The following EPN2 variants were observed in gnomAD, a reference collection of about 807,000 sequenced individuals.
EPN2 encodes epsin 2.
In EPN2, 34 loss-of-function variants were observed where a neutral mutation model predicts 61.7. The ratio of observed to expected loss-of-function variants is 0.55; its 90% CI spans 0.42 to 0.73. The LOEUF (loss-of-function observed/expected upper bound fraction) is 0.73. Among genes scored for constraint, EPN2 ranks in the 30% least tolerant of loss-of-function variants. The pLI is 0.00. For missense variants in EPN2, 714 were observed against 839.2 expected, an observed-to-expected ratio of 0.85 and a Z score of 1.84; for synonymous variants, 349 against 353.6, an observed-to-expected ratio of 0.99 and a Z score of 0.15.
chr17:19,257,492 A>G (rs2045092847), intron 1 of EPN2, among the ~76,000 whole-genome samples: 1 of 151,046 alleles, frequency 6.6e-6, no homozygotes, highest in South Asian at 2.1e-4. Context: ...ATCAATGTTA[A>G]TATTTTGATT....
chr17:19,251,377 G>A (rs572776289), intron 1 of EPN2, among the ~76,000 whole-genome samples: 24 of 152,288 alleles, frequency 1.6e-4, no homozygotes, highest in South Asian at 4.1e-4. Flanking sequence ...TGTGTGTTGG[G>A]TGGGGTTGTT....
At chr17:19,303,599 G>GT (rs1275239148) in intron 4 of EPN2, among the ~76,000 whole-genome samples, 3 of 152,170 alleles carry the variant, frequency 2.0e-5, no homozygotes, top group Non-Finnish European at 2.9e-5. Context: ...ATAGATGGGG[G>GT]TATGACGTCA....
At chr17:19,309,810 C>A in intron 4 of EPN2, 75 bp from the exon 5 acceptor site, 1 of 1,165,754 alleles carries the variant, frequency 8.6e-7, no homozygotes, top group Non-Finnish European at 1.3e-6. Flanking sequence ...GGAATGTGGT[C>A]TGCCCAGGAA....
intron 4 of EPN2, among the ~76,000 whole-genome samples, chr17:19,299,596 GTCCT>G (rs1034430885): frequency 6.6e-6 from 1 of 152,268 alleles, no homozygotes; most frequent in African/African-American, 2.4e-5. Context: ...TTTTGGCTAA[GTCCT>G]TCCTTTCCCA....
At chr17:19,264,601 T>C (rs1350315161) in intron 1 of EPN2, among the ~76,000 whole-genome samples, 1 of 152,212 alleles carries the variant, frequency 6.6e-6, no homozygotes, top group Non-Finnish European at 1.5e-5. Context: ...ATCTTTTCAT[T>C]CTGCCAGGTA....
In EPN2 at chr17:19,329,234, G is replaced by A; in HGVS notation, c.1325-327G>A. 5 of 432,520 alleles carry A rather than the reference G, an allele frequency of 1.2e-5. No individual in the cohort carries two copies. The East Asian group carries it at 1.9e-4, about 17-fold the overall frequency. The allele number at this position is 432,520 out of a possible 1,614,324, so 26.8% of individuals were successfully genotyped here. ...GCACTCCTTCTGGTGACTTCCTACA[G>A]ACCCTCATCCAAGCAACCAGACCCA... On this transcript the variant is annotated intron_variant, in intron 8 of 10. Transcript: ENST00000314728.
At chr17:19,308,419 C>A in intron 4 of EPN2, 11 of 985,390 alleles carry the variant, frequency 1.1e-5, no homozygotes, top group Non-Finnish European at 1.3e-5. Context: ...AAATTGAATT[C>A]TGTAGTTGTC....
At chr17:19,275,859 T>C (rs1056981504) in intron 1 of EPN2, among the ~76,000 whole-genome samples, 4 of 152,202 alleles carry the variant, frequency 2.6e-5, no homozygotes, top group Admixed American at 2.0e-4. Flanking sequence ...TGAATAGATA[T>C]GGCTTTTTAC....
intron 4 of EPN2, among the ~76,000 whole-genome samples, chr17:19,299,103 G>C (rs1406337266): frequency 6.6e-6 from 1 of 152,180 alleles, no homozygotes; most frequent in Non-Finnish European, 1.5e-5. Context: ...AGCAGTGAAG[G>C]AGAGTGCTCA....
At chr17:19,316,985 G>T (rs1238834365) in intron 7 of EPN2, among the ~76,000 whole-genome samples, 1 of 152,226 alleles carries the variant, frequency 6.6e-6, no homozygotes. Flanking sequence ...TAGCCTCAGA[G>T]CAAGAGTGTG....
In EPN2 at chr17:19,328,791, C is replaced by G. The variant is rs1478826363; in HGVS notation, c.1228C>G (p.Pro410Ala). 6.2e-7 allele frequency: 1 copy of G among 1,613,688 alleles called. No homozygotes were observed. Among genetic ancestry groups the G allele is most frequent in the East Asian group, 2.2e-5 (1 of 44,874 alleles). Residue 410 changes from proline to alanine, a missense_variant, in exon 8 of 11, where the codon CCC (proline) becomes GCC (alanine). Around this residue, in one of 2 missense-constraint regions of EPN2, gnomAD observed 410 missense variants for 421.8 expected, o/e 0.97. Coordinates refer to ENST00000314728, the MANE Select transcript of EPN2 (RefSeq NM_014964.5). Reference protein sequence around the residue: ...TVQSVPKNSDPWAASQQPASS... With the variant: ...TVQSVPKNSDAWAASQQPASS... The stretch of plus-strand genomic sequence containing the variant: ...ACAATCTGTCCCCAAGAACTCGGAC[C>G]CCTGGGCAGCTTCACAGCAGCCTGC...
intron 1 of EPN2, among the ~76,000 whole-genome samples, chr17:19,275,657 T>A (rs754297393): frequency 1.1e-4 from 17 of 152,182 alleles, no homozygotes; most frequent in Non-Finnish European, 2.4e-4. Flanking sequence ...CTGGTCTGAG[T>A]CCTGGGCCTA....
chr17:19,263,492 T>C lies in EPN2; in HGVS notation c.-293-18463T>C, dbSNP rs529765178. On this transcript the variant is annotated intron_variant, in intron 1 of 10. Transcript: ENST00000314728. ...AGCGTCTTAGATGGGTATGATGATATTGGAACAGAGAAGGGCAACCACATA... is the reference window on the plus strand; with the variant it reads ...AGCGTCTTAGATGGGTATGATGATACTGGAACAGAGAAGGGCAACCACATA... Among the ~76,000 whole-genome samples, 12 of 152,272 alleles carry C rather than the reference T, an allele frequency of 7.9e-5. No homozygotes were observed. The South Asian group carries it at 2.1e-3, about 26-fold the overall frequency.
rs61210278 is a variant in EPN2, at chr17:19,256,419, CA to C, written c.-294+18911del. Among the ~76,000 whole-genome samples the C allele has an allele frequency of 6.5e-3, 442 of 67,964 alleles. 1 individual carries two copies. The highest frequency in any genetic ancestry group is 0.01 in the Admixed American group (64 of 6,172). The allele number at this position is 67,964 out of a possible 152,430, so 44.6% of individuals were successfully genotyped here. A position where few individuals can be genotyped will look rare whatever the true frequency, so the allele number is the denominator to read the frequency against. On this transcript the variant is annotated intron_variant, in intron 1 of 10. Transcript: ENST00000314728. Reference sequence around the variant, plus strand: ...TGGGCAACATAGCAGGACCCTGTCTCAAAAAAAAAAAAAAAAAAAAAAAGTT... The same window carrying C: ...TGGGCAACATAGCAGGACCCTGTCTCAAAAAAAAAAAAAAAAAAAAAAGTT...
intron 1 of EPN2, among the ~76,000 whole-genome samples, chr17:19,239,447 C>T (rs1276891773): frequency 3.3e-5 from 5 of 152,346 alleles, no homozygotes; most frequent in Middle Eastern, 3.4e-3. Flanking sequence ...CCAACACTCC[C>T]GGCCTAAATC....
rs148087038 is a variant in EPN2 at position 19,254,887 on chromosome 17, A to G, written c.-294+17356A>G. Among the ~76,000 whole-genome samples the G allele has an allele frequency of 3.6e-3, 553 of 152,332 alleles. 4 individuals are homozygous for G. The highest frequency in any genetic ancestry group is 0.013 in the African/African-American group (526 of 41,580). On this transcript the variant is annotated intron_variant, in intron 1 of 10. Transcript: ENST00000314728. Reference sequence around the variant, plus strand: ...GTTTATGTACCTCAGCGACATAGGCAAAGAGTCTGTGCCTTTGTCTTACGT... The same window carrying G: ...GTTTATGTACCTCAGCGACATAGGCGAAGAGTCTGTGCCTTTGTCTTACGT...
At chr17:19,261,347 C>T (rs1004055517) in intron 1 of EPN2, among the ~76,000 whole-genome samples, 6 of 152,218 alleles carry the variant, frequency 3.9e-5, no homozygotes, top group African/African-American at 1.4e-4. Context: ...TGAAGAGGAG[C>T]TGATCATGTT....
intron 1 of EPN2, among the ~76,000 whole-genome samples, chr17:19,242,859 G>A (rs1022976111): frequency 2.0e-5 from 3 of 152,212 alleles, no homozygotes; most frequent in Non-Finnish European, 4.4e-5. Context: ...ACTTCTGAGT[G>A]CAGGCTTCAT....
rs1421261420 is a variant in EPN2 at position 19,285,648 on chromosome 17, C to T, written c.624C>T (p.His208=). 1 of 1,564,572 alleles carries T rather than the reference C, an allele frequency of 6.4e-7. No individual in the cohort carries two copies. Among genetic ancestry groups the T allele is most frequent in the East Asian group, 2.4e-5 (1 of 42,450 alleles). Residue 208 remains histidine, a synonymous_variant, in exon 4 of 11, where the codon CAC becomes CAT. Coordinates refer to ENST00000314728, the MANE Select transcript of EPN2 (RefSeq NM_014964.5). This position sits in a 1 kb window ranked among gnomAD's most constrained non-coding sequence, Gnocchi z 4.5. ...GSPEASLCPQ[H]RTGAPLGQSE... ...CTGAGGCCTCGCTGTGCCCCCAGCA[C>T]CGCACAGGGGCCCCGCTGGGTCAGA...
Sources: allele counts gnomAD v4.1 joint callset (sites outside exome capture counted in the v4.1 genomes callset), GRCh38; gene constraint gnomAD v4.1.1; regional missense constraint gnomAD v4.1.1; non-coding constraint Gnocchi (gnomAD v3.1); transcripts MANE v1.5; gene names NCBI Gene and HGNC (gene_info 2026-07-23, HGNC 2026-07-21).